Variants in MAPK8 observed in about 807,000 individuals in gnomAD.
MAPK8 encodes JUN N-terminal kinase.
In MAPK8, 13 loss-of-function variants were observed where a neutral mutation model predicts 52.9. That is an observed-to-expected ratio of 0.25 (90% CI 0.16 to 0.39). The LOEUF (loss-of-function observed/expected upper bound fraction) is 0.39. Among genes scored for constraint, MAPK8 ranks in the 10% least tolerant of loss-of-function variants. The pLI is 1.00. For synonymous variants in MAPK8, 191 were observed against 169.8 expected, an observed-to-expected ratio of 1.12 and a Z score of -0.97; for missense variants, 300 against 519.2, an observed-to-expected ratio of 0.58 and a Z score of 4.10.
In MAPK8 at chr10:48,431,203, T is replaced by C; in HGVS notation, c.1071T>C (p.Tyr357=). ...HTIEEWKELI[Y]KEVMDLEERT... ...TTACTTCTTTTACAGAATTGATATA[T>C]AAGGAAGTTATGGACTTGGAGGAGA... Residue 357 remains tyrosine, a synonymous_variant, in exon 11 of 12, where the codon TAT becomes TAC. Coordinates refer to ENST00000374189, the MANE Select transcript of MAPK8 (RefSeq NM_001323329.2). 1 of 1,605,394 alleles carries C rather than the reference T, an allele frequency of 6.2e-7. No homozygotes were observed. The highest frequency in any genetic ancestry group is 1.1e-5 in the South Asian group (1 of 90,834).
chr10:48,404,405 C>G (rs764132705), intron 2 of MAPK8, among the ~76,000 whole-genome samples: 8 of 152,042 alleles, frequency 5.3e-5, no homozygotes, highest in Non-Finnish European at 1.0e-4. Context: ...ATCCACCCAC[C>G]TTGACCTCCC....
intron 3 of MAPK8, among the ~76,000 whole-genome samples, chr10:48,405,519 TTTCTAA>T (rs1358795407): frequency 6.6e-6 from 1 of 152,244 alleles, no homozygotes; most frequent in African/African-American, 2.4e-5. Flanking sequence ...TATTAACATG[TTTCTAA>T]TTCTATTTTC....
chr10:48,411,421 A>G (rs1454240818), intron 5 of MAPK8, among the ~76,000 whole-genome samples: 1 of 152,248 alleles, frequency 6.6e-6, no homozygotes, highest in South Asian at 2.1e-4. Flanking sequence ...ACAGTTGGTC[A>G]TAGATACATG....
intron 6 of MAPK8, among the ~76,000 whole-genome samples, chr10:48,421,920 G>A (rs1249223087): frequency 6.6e-6 from 1 of 151,996 alleles, no homozygotes; most frequent in Non-Finnish European, 1.5e-5. Flanking sequence ...CAAATGTAAT[G>A]CTTAATGATT....
At chr10:48,335,551 T>C (rs1399237849) in intron 1 of MAPK8, among the ~76,000 whole-genome samples, 2 of 152,236 alleles carry the variant, frequency 1.3e-5, no homozygotes, top group Non-Finnish European at 2.9e-5. Flanking sequence ...AATTTTTTCA[T>C]TGGCAATAAA....
In MAPK8 at chr10:48,438,165, G is replaced by C. The variant is rs912229977; in HGVS notation, c.*3136G>C. On this transcript the variant is annotated 3_prime_UTR_variant, in exon 12 of 12. Coordinates refer to ENST00000374189, the MANE Select transcript of MAPK8 (RefSeq NM_001323329.2). The stretch of plus-strand genomic sequence containing the variant: ...ATTAGTTACACATTAGCTATAGAGT[G>C]GATGCATGAAGCCCCATGACACCAG... 6.6e-6 allele frequency: 1 copy of C among 152,196 alleles called. No individual in the cohort carries two copies. Among genetic ancestry groups the C allele is most frequent in the African/African-American group, 2.4e-5 (1 of 41,440 alleles). 9.4% of individuals were successfully genotyped at this position (152,196 alleles called of 1,614,324 possible).
intron 5 of MAPK8, among the ~76,000 whole-genome samples, chr10:48,413,815 T>TTA (rs59042608): frequency 0.073 from 3,439 of 47,322 alleles, 214 homozygotes; most frequent in East Asian, 0.089. Flanking sequence ...GCCAGAATTG[T>TTA]TATATATATA....
intron 1 of MAPK8, among the ~76,000 whole-genome samples, chr10:48,358,080 A>G (rs1342808090): frequency 6.6e-6 from 1 of 152,152 alleles, no homozygotes; most frequent in Non-Finnish European, 1.5e-5. Context: ...GAACCTTTGG[A>G]TGTTGCTACC....
intron 3 of MAPK8, among the ~76,000 whole-genome samples, chr10:48,406,825 A>G (rs982864910): frequency 2.6e-5 from 4 of 152,036 alleles, no homozygotes; most frequent in African/African-American, 9.7e-5. Context: ...GTGACCTAGC[A>G]CACACTACTG....
At chr10:48,401,221 C>T (rs969708276) in intron 1 of MAPK8, among the ~76,000 whole-genome samples, 1 of 152,146 alleles carries the variant, frequency 6.6e-6, no homozygotes, top group Non-Finnish European at 1.5e-5. Flanking sequence ...AAATTTCTTA[C>T]AAAAATTAAG....
At chr10:48,404,638 T>C (rs754499002) in intron 2 of MAPK8, among the ~76,000 whole-genome samples, 19 of 152,214 alleles carry the variant, frequency 1.2e-4, no homozygotes, top group Non-Finnish European at 5.9e-5. Flanking sequence ...CATAGTCCAC[T>C]GTCTATTTGG....
chr10:48,316,187 T>C (rs2132107663), intron 1 of MAPK8, among the ~76,000 whole-genome samples: 1 of 152,374 alleles, frequency 6.6e-6, no homozygotes, highest in East Asian at 1.9e-4. Context: ...AGACCACATA[T>C]GTGACAGTGG....
chr10:48,415,072 C>T (rs780840761), intron 5 of MAPK8, among the ~76,000 whole-genome samples: 5 of 151,930 alleles, frequency 3.3e-5, no homozygotes, highest in African/African-American at 4.8e-5. Flanking sequence ...CCTTAATTAT[C>T]ATTGTAAGTG....
At chr10:48,324,520 T>TA (rs374420902) in intron 1 of MAPK8, among the ~76,000 whole-genome samples, 1 of 150,794 alleles carries the variant, frequency 6.6e-6, no homozygotes, top group Non-Finnish European at 1.5e-5. Context: ...TTTTTTTTTT[T>TA]ACACTCATGA....
chr10:48,311,401 CCTCT>C (rs1588894966), intron 1 of MAPK8, among the ~76,000 whole-genome samples: 4 of 152,104 alleles, frequency 2.6e-5, no homozygotes, highest in African/African-American at 7.2e-5. Context: ...GACCAGTAAT[CCTCT>C]CTATCTTAAA....
intron 1 of MAPK8, among the ~76,000 whole-genome samples, chr10:48,346,517 A>G (rs1375431954): frequency 1.3e-5 from 2 of 152,188 alleles, no homozygotes; most frequent in Non-Finnish European, 2.9e-5. Flanking sequence ...GGTGTCAAGG[A>G]ACAACACCCG....
chr10:48,327,657 G>T (rs140508355), intron 1 of MAPK8, among the ~76,000 whole-genome samples: 2 of 152,132 alleles, frequency 1.3e-5, no homozygotes, highest in Non-Finnish European at 2.9e-5. Context: ...TAGAGAATTG[G>T]TATCACTTTT....
At chr10:48,392,152 C>T (rs768130696) in intron 1 of MAPK8, among the ~76,000 whole-genome samples, 1 of 152,148 alleles carries the variant, frequency 6.6e-6, no homozygotes, top group Middle Eastern at 3.2e-3. Context: ...CCTGTCTGTC[C>T]AAATTCTTCT....
chr10:48,413,401 A>G (rs1178199341), intron 5 of MAPK8, among the ~76,000 whole-genome samples: 1 of 152,000 alleles, frequency 6.6e-6, no homozygotes, highest in East Asian at 1.9e-4. Context: ...TTACATTCCC[A>G]CCAGTAGTGC....
Sources: allele counts gnomAD v4.1 joint callset (sites outside exome capture counted in the v4.1 genomes callset), GRCh38; gene constraint gnomAD v4.1.1; transcripts MANE v1.5; gene names NCBI Gene and HGNC (gene_info 2026-07-23, HGNC 2026-07-21).